The following AUH variants were observed in gnomAD, a reference collection of about 807,000 sequenced individuals.
AUH encodes the protein AU RNA binding methylglutaconyl-CoA hydratase.
In AUH, 29 loss-of-function variants were observed where a neutral mutation model predicts 42.3. The ratio of observed to expected loss-of-function variants is 0.69; its 90% CI spans 0.51 to 0.93. The LOEUF is 0.93. Ranked by LOEUF, AUH falls within the 40% of genes least tolerant of loss-of-function variation. AUH has a pLI of 0.00. For synonymous variants in AUH, 174 were observed against 166.4 expected, an observed-to-expected ratio of 1.05 and a Z score of -0.35; for missense variants, 452 against 438.1, an observed-to-expected ratio of 1.03 and a Z score of -0.28.
chr9:91,222,945 A>T (rs934980399), intron 6 of AUH, among the ~76,000 whole-genome samples: 1 of 152,208 alleles, frequency 6.6e-6, no homozygotes, highest in Non-Finnish European at 1.5e-5. Context: ...AAACTCGTTC[A>T]TCATATTGTT....
At chr9:91,281,737 C>G (rs1277503091) in intron 6 of AUH, among the ~76,000 whole-genome samples, 2 of 152,166 alleles carry the variant, frequency 1.3e-5, no homozygotes, top group Non-Finnish European at 2.9e-5. Flanking sequence ...TCTAGTCTAT[C>G]AAGAGATTCT....
chr9:91,238,030 C>T (rs1042181858), intron 6 of AUH, among the ~76,000 whole-genome samples: 7 of 152,194 alleles, frequency 4.6e-5, no homozygotes, highest in African/African-American at 1.7e-4. Context: ...CTAGTCAGTA[C>T]TTCACTACAT....
At chr9:91,252,561 CAA>C (rs1460246857) in intron 6 of AUH, among the ~76,000 whole-genome samples, 2 of 152,162 alleles carry the variant, frequency 1.3e-5, no homozygotes, top group East Asian at 3.8e-4. Context: ...CTCATGACAA[CAA>C]AGACTGTGTG....
intron 4 of AUH, among the ~76,000 whole-genome samples, chr9:91,299,288 T>C (rs1305326671): frequency 1.3e-5 from 2 of 152,206 alleles, no homozygotes; most frequent in Non-Finnish European, 2.9e-5. Flanking sequence ...CATTCTGATA[T>C]GTAAAATCCC....
chr9:91,229,391 GT>G (rs1213287425), intron 6 of AUH, among the ~76,000 whole-genome samples: 1 of 143,486 alleles, frequency 7.0e-6, no homozygotes, highest in African/African-American at 2.6e-5. Context: ...GCCTTTTTTT[GT>G]TTTCCATTTG....
chr9:91,325,328 A>C lies in AUH; in HGVS notation c.495T>G (p.Ile165Met). The change falls in exon 4 of 10, where the codon ATT (isoleucine) becomes ATG (methionine). Residue 165 changes from isoleucine (I) to methionine (M), a missense_variant. Transcript: ENST00000375731. ...CTTAATAGTGCTTACCAATATCGTT[A>C]ATCACTGCTCTTATTTTGGAGACAA... Reference protein sequence around the residue: ...GPFVSKIRAVINDIANLPVPT... With the variant: ...GPFVSKIRAVMNDIANLPVPT... 2 of 1,613,676 alleles carry C rather than the reference A, an allele frequency of 1.2e-6. No homozygotes were observed. The highest frequency in any genetic ancestry group is 1.7e-6 in the Non-Finnish European group (2 of 1,179,674).
At position 91,338,408 on chromosome 9, in the gene AUH, CAG is replaced by C. The variant is rs143674796; in HGVS notation, c.419-13006_419-13005del. Among the ~76,000 whole-genome samples the C allele has an allele frequency of 5.5e-3, 834 of 152,314 alleles. 10 individuals are homozygous for C. Among genetic ancestry groups the C allele is most frequent in the East Asian group, 0.041 (213 of 5,178 alleles). ...CCATCACTACATTTTAATGAACTAA[CAG>C]AGACTGATTTCTAGGAGGTACTTTT... On this transcript the variant is annotated intron_variant, in intron 3 of 9. Transcript: ENST00000375731.
At chr9:91,292,580 C>G (rs978614126) in intron 6 of AUH, among the ~76,000 whole-genome samples, 1 of 151,710 alleles carries the variant, frequency 6.6e-6, no homozygotes, top group Non-Finnish European at 1.5e-5. Flanking sequence ...CACCCAGGCA[C>G]CTCTCTTCTT....
chr9:91,349,683 C>G (rs77543885), intron 3 of AUH, among the ~76,000 whole-genome samples: 7,864 of 116,830 alleles, frequency 0.067, 421 homozygotes, highest in East Asian at 0.48. Flanking sequence ...GAGACAGACA[C>G]ACACACACAC....
chr9:91,340,593 C>CCTG, intron 3 of AUH, among the ~76,000 whole-genome samples: 2 of 152,166 alleles, frequency 1.3e-5, no homozygotes, highest in South Asian at 4.1e-4. Flanking sequence ...TAGCATTCAC[C>CCTG]CAAATGACAC....
chr9:91,341,789 A>G (rs1831124888), intron 3 of AUH, among the ~76,000 whole-genome samples: 1 of 152,226 alleles, frequency 6.6e-6, no homozygotes, highest in African/African-American at 2.4e-5. Flanking sequence ...AATAAATTCA[A>G]GAACAGAAAC....
chr9:91,316,247 G>A (rs1294297844), intron 4 of AUH, among the ~76,000 whole-genome samples: 3 of 152,066 alleles, frequency 2.0e-5, no homozygotes, highest in Non-Finnish European at 1.5e-5. Context: ...ACACAGGGTA[G>A]TATCAAACTA....
chr9:91,342,339 C>G (rs1831167738), intron 3 of AUH, among the ~76,000 whole-genome samples: 2 of 152,124 alleles, frequency 1.3e-5, no homozygotes, highest in African/African-American at 2.4e-5. Context: ...ACATTGGGCC[C>G]AGTGGATACA....
chr9:91,228,401 C>T (rs1008985387), intron 6 of AUH, among the ~76,000 whole-genome samples: 11 of 148,116 alleles, frequency 7.4e-5, no homozygotes, highest in African/African-American at 2.7e-4. Context: ...GTGGTGATAT[C>T]CCCTTTATCA....
At position 91,355,895 on chromosome 9, in the gene AUH, T is replaced by A; in HGVS notation, c.406A>T (p.Ile136Leu). The A allele has an allele frequency of 6.2e-7, 1 of 1,610,568 alleles. No homozygotes were observed. Among genetic ancestry groups the A allele is most frequent in the Non-Finnish European group, 8.5e-7 (1 of 1,176,928 alleles). ...TIIIRSEVPG[I>L]FCAGADLKER... Reference sequence around the variant, plus strand: ...CATATTTACATACCAGCACAGAATATCCCTGGGACTTCACTCCTGATTATT... The same window carrying A: ...CATATTTACATACCAGCACAGAATAACCCTGGGACTTCACTCCTGATTATT... The change falls in exon 3 of 10, where the codon ATA becomes TTA. Residue 136 changes from isoleucine (I) to leucine (L), a missense_variant. Transcript: ENST00000375731.
At chr9:91,280,686 C>T (rs2131561978) in intron 6 of AUH, among the ~76,000 whole-genome samples, 1 of 152,246 alleles carries the variant, frequency 6.6e-6, no homozygotes, top group Non-Finnish European at 1.5e-5. Context: ...TCTCTTTTCT[C>T]CAGGAGCAGT....
At chr9:91,294,652 A>G in intron 6 of AUH, 1 of 454,286 alleles carries the variant, frequency 2.2e-6, no homozygotes, top group South Asian at 1.6e-5. Flanking sequence ...CCTTCTGGAA[A>G]GGATCTGCCA....
intron 1 of AUH, among the ~76,000 whole-genome samples, chr9:91,357,223 C>T (rs1832483084): frequency 2.0e-5 from 3 of 152,218 alleles, no homozygotes; most frequent in South Asian, 4.1e-4. Context: ...GCCTCAGGCA[C>T]TGCTCCAGGT....
intron 7 of AUH, among the ~76,000 whole-genome samples, chr9:91,217,877 A>G (rs367622927): frequency 6.6e-6 from 1 of 152,202 alleles, no homozygotes; most frequent in African/African-American, 2.4e-5. Context: ...TGAAGTCTAC[A>G]TAAGTCTTTC....
Sources: gnomAD v4.1 joint callset for allele counts (sites outside exome capture counted in the v4.1 genomes callset) on GRCh38, gnomAD v4.1.1 for gene constraint, MANE v1.5 for transcripts, NCBI Gene and HGNC (gene_info 2026-07-23, HGNC 2026-07-21) for gene names.